The following SCFD2 variants were observed in gnomAD, a reference collection of about 807,000 sequenced individuals.
SCFD2 encodes sec1 family domain-containing protein 2.
Under a neutral mutation model 58.9 loss-of-function variants are expected in SCFD2, and 54 were observed. The observed-to-expected ratio is 0.92, with a 90% CI of 0.74 to 1.15. The LOEUF (loss-of-function observed/expected upper bound fraction) is 1.15, where lower values mean the gene tolerates loss of function less well. SCFD2 is among the 50% of genes most tolerant of loss of function. The pLI is 0.00. For missense variants in SCFD2, 805 were observed against 836.6 expected (o/e 0.96, Z 0.47); for synonymous variants, 321 against 335.9 (o/e 0.96, Z 0.49).
At chr4:52,945,977 G>T (rs1208995966) in intron 5 of SCFD2, among the ~76,000 whole-genome samples, 1 of 152,046 alleles carries the variant, frequency 6.6e-6, no homozygotes, top group Non-Finnish European at 1.5e-5. Flanking sequence ...AGCAAATGCT[G>T]CATCCTTTTA....
intron 3 of SCFD2, among the ~76,000 whole-genome samples, chr4:53,293,728 C>T (rs1033778919): frequency 4.6e-5 from 7 of 152,082 alleles, no homozygotes; most frequent in African/African-American, 1.7e-4. Context: ...GGCAGGAATG[C>T]TCACTCTTTA....
At chr4:53,201,076 A>T (rs1577834097) in intron 4 of SCFD2, among the ~76,000 whole-genome samples, 1 of 152,000 alleles carries the variant, frequency 6.6e-6, no homozygotes, top group South Asian at 2.1e-4. Context: ...CATAGCGTGC[A>T]GGTTTCTTAC....
chr4:52,949,674 C>T (rs1255522483), intron 5 of SCFD2: 10 of 152,210 alleles, frequency 6.6e-5, no homozygotes, highest in East Asian at 3.8e-4. Context: ...CTTGTGACCA[C>T]GCTGAAGTCT....
At chr4:53,255,365 C>T (rs1372678027) in intron 4 of SCFD2, among the ~76,000 whole-genome samples, 6 of 152,032 alleles carry the variant, frequency 3.9e-5, no homozygotes, top group Non-Finnish European at 7.4e-5. Context: ...TGCGGCCTTC[C>T]GCAGTGTTTG....
chr4:53,330,092 A>T (rs962713773), intron 2 of SCFD2, among the ~76,000 whole-genome samples: 4 of 152,156 alleles, frequency 2.6e-5, no homozygotes, highest in Non-Finnish European at 4.4e-5. Context: ...ATATGGGACT[A>T]TGTGAAAAGA....
chr4:53,171,348 T>A (rs1318410043), intron 4 of SCFD2, among the ~76,000 whole-genome samples: 4 of 152,260 alleles, frequency 2.6e-5, no homozygotes, highest in Non-Finnish European at 5.9e-5. Context: ...CATGCTTGCA[T>A]CCCAGGGATA....
intron 5 of SCFD2, among the ~76,000 whole-genome samples, chr4:53,139,329 G>A (rs1370433460): frequency 2.6e-5 from 4 of 151,902 alleles, no homozygotes; most frequent in Non-Finnish European, 4.4e-5. Context: ...CTGCCCGGCC[G>A]CCCATCGTCT....
chr4:53,348,224 T>C (rs1231238002), intron 2 of SCFD2, among the ~76,000 whole-genome samples: 1 of 152,244 alleles, frequency 6.6e-6, no homozygotes, highest in Non-Finnish European at 1.5e-5. Context: ...CTTCAATTGC[T>C]ATAAACAGCC....
chr4:53,256,712 C>T (rs1476743418), intron 4 of SCFD2, among the ~76,000 whole-genome samples: 1 of 151,772 alleles, frequency 6.6e-6, no homozygotes, highest in Non-Finnish European at 1.5e-5. Context: ...CTGTCTCCAC[C>T]AAAAAAATAC....
At position 53,332,227 on chromosome 4, in the gene SCFD2, ATCC is replaced by A. The variant is rs1277699498; in HGVS notation, c.1008-18467_1008-18465del. ...ATTCCAATCAATAGAAAAAGAGGGA[ATCC>A]TCCCTAACTCATTTTATGAGGCCAG... On this transcript the variant is annotated intron_variant, in intron 2 of 8. Transcript: ENST00000401642. Among the ~76,000 whole-genome samples the A allele has an allele frequency of 2.0e-5, 3 of 151,176 alleles. No homozygotes were observed. The East Asian group carries it at 5.8e-4, about 29-fold the overall frequency.
At chr4:52,882,370 C>T (rs964690930) in intron 8 of SCFD2, among the ~76,000 whole-genome samples, 1 of 152,164 alleles carries the variant, frequency 6.6e-6, no homozygotes, top group South Asian at 2.1e-4. Flanking sequence ...CAGATTTGGG[C>T]TTCATCTAGA....
rs369140110 is a variant in SCFD2 at position 53,140,392 on chromosome 4, A to AAAATATAT, written c.1561+4940_1561+4941insATATATTT. Among the ~76,000 whole-genome samples the AAAATATAT allele has an allele frequency of 2.0e-3, 193 of 97,444 alleles. 23 individuals are homozygous for AAAATATAT. The highest frequency in any genetic ancestry group is 0.013 in the Middle Eastern group (2 of 152). The allele number at this position is 97,444 out of a possible 152,430, so 63.9% of individuals were successfully genotyped here. On this transcript the variant is annotated intron_variant, in intron 5 of 8. Coordinates refer to ENST00000401642, the MANE Select transcript of SCFD2 (RefSeq NM_152540.4). ...AAATAAAAAGAACACCAAAAATGCT[A>AAAATATAT]ATATATATATATATATATATAAATT...
At chr4:53,293,386 G>A (rs1731910615) in intron 3 of SCFD2, among the ~76,000 whole-genome samples, 1 of 151,998 alleles carries the variant, frequency 6.6e-6, no homozygotes, top group Admixed American at 6.6e-5. Context: ...TAGGTTGATA[G>A]GTGCAGCAAA....
At chr4:53,097,914 T>C (rs558357165) in intron 5 of SCFD2, among the ~76,000 whole-genome samples, 16 of 152,218 alleles carry the variant, frequency 1.1e-4, no homozygotes, top group Non-Finnish European at 2.1e-4. Context: ...TATTGAGAGT[T>C]GTTAGCATGA....
Position 53,365,725 on chromosome 4 carries a change from C to G in SCFD2, c.217G>C (p.Ala73Pro). ...AIGGGAKQPK[A>P]VFVLSCLLKG... ...AGCAGGCAGCTCAGCACAAACACTG[C>G]CTTGGGCTGCTTGGCTCCACCACCA... The change falls in exon 1 of 9, where the codon GCA becomes CCA. Residue 73 changes from alanine to proline, a missense_variant. This residue lies in a region of SCFD2 where 155 missense variants were observed against 149.7 expected (regional missense o/e 1.04). Coordinates refer to ENST00000401642, the MANE Select transcript of SCFD2 (RefSeq NM_152540.4). The surrounding 1 kb of genome is among the most constrained non-coding windows in gnomAD (Gnocchi z 4.3). 6.2e-7 allele frequency: 1 copy of G among 1,614,146 alleles called. No homozygotes were observed. The highest frequency in any genetic ancestry group is 1.3e-5 in the African/African-American group (1 of 75,048).
At chr4:53,315,611 C>A (rs1732838812) in intron 2 of SCFD2, among the ~76,000 whole-genome samples, 1 of 152,174 alleles carries the variant, frequency 6.6e-6, no homozygotes. Flanking sequence ...CAGAAAGTTA[C>A]TTAATTTCTC....
chr4:53,346,281 T>C (rs1734057090), intron 2 of SCFD2, among the ~76,000 whole-genome samples: 1 of 150,436 alleles, frequency 6.6e-6, no homozygotes, highest in East Asian at 1.9e-4. Context: ...TTTTTTCTTT[T>C]TTTTTTTTTT....
Position 53,338,575 on chromosome 4 carries a change from C to CTTTT in SCFD2, c.1007+14019_1007+14022dup, listed in dbSNP as rs56263068. On this transcript the variant is annotated intron_variant, in intron 2 of 8. Coordinates refer to ENST00000401642, the MANE Select transcript of SCFD2 (RefSeq NM_152540.4). ...GGCCAAAAGAAAGCAGTATATTTTT[C>CTTTT]TTTTTTTTTTTTTTTTTTTTTGTGA... 4.7e-3 allele frequency among the ~76,000 whole-genome samples: 339 copies of CTTTT among 72,300 alleles called. 88 individuals carry two copies. The Middle Eastern group carries it at 0.052, about 11-fold the overall frequency. 47.4% of individuals were successfully genotyped at this position (72,300 alleles called of 152,430 possible). A position where few individuals can be genotyped will look rare whatever the true frequency, so the allele number is the denominator to read the frequency against.
At chr4:53,202,816 G>A (rs1262215094) in intron 4 of SCFD2, among the ~76,000 whole-genome samples, 1 of 151,982 alleles carries the variant, frequency 6.6e-6, no homozygotes, top group African/African-American at 2.4e-5. Flanking sequence ...CTCATGATTT[G>A]GCTCTCTGTT....
Sources: allele counts gnomAD v4.1 joint callset (sites outside exome capture counted in the v4.1 genomes callset), GRCh38; gene constraint gnomAD v4.1.1; regional missense constraint gnomAD v4.1.1; non-coding constraint Gnocchi (gnomAD v3.1); transcripts MANE v1.5; gene names NCBI Gene and HGNC (gene_info 2026-07-23, HGNC 2026-07-21).